UGT2B7: variants seen among roughly 807,000 people sequenced by gnomAD.
The protein encoded by UGT2B7 is UDP-glucuronosyltransferase 2B7.
Under a neutral mutation model 51.9 loss-of-function variants are expected in UGT2B7, and 51 were observed. The ratio of observed to expected loss-of-function variants is 0.98; its 90% CI spans 0.78 to 1.24. UGT2B7 has a LOEUF of 1.24. Ranked by LOEUF, UGT2B7 falls within the 50% of genes most tolerant of loss-of-function variation. The probability of loss-of-function intolerance (pLI) is 0.00; values close to 1 mark genes in which losing one functional copy is unlikely to be tolerated. For missense variants in UGT2B7, 727 were observed against 628.4 expected (o/e 1.16, Z -1.68); for synonymous variants, 225 against 211.6 (o/e 1.06, Z -0.55).
intron 1 of UGT2B7, among the ~76,000 whole-genome samples, chr4:69,053,230 A>T (rs768230187): frequency 6.6e-6 from 1 of 152,242 alleles, no homozygotes; most frequent in East Asian, 1.9e-4. Flanking sequence ...AATTTAGCTT[A>T]TCTGGTATAA....
In UGT2B7 at chr4:69,097,028, T is replaced by A; in HGVS notation, c.508T>A (p.Tyr170Asn). 2 of 1,613,888 alleles carry A rather than the reference T, an allele frequency of 1.2e-6. No individual in the cohort carries two copies. The highest frequency in any genetic ancestry group is 1.7e-6 in the Non-Finnish European group (2 of 1,179,812). Residue 170 changes from tyrosine (Y) to asparagine (N), a missense_variant, in exon 1 of 6, where the codon TAC becomes AAC. Tyr to Asn is a moderately radical substitution (Grantham distance 143, BLOSUM62 -2). Coordinates refer to ENST00000305231, the MANE Select transcript of UGT2B7 (RefSeq NM_001074.4). ...TGAGCTATTTAACATACCCTTTGTG[T>A]ACAGTCTCAGCTTCTCTCCTGGCTA... ...LAELFNIPFV[Y>N]SLSFSPGYTF...
intron 1 of UGT2B7, among the ~76,000 whole-genome samples, chr4:69,085,545 A>G (rs143324413): frequency 0.01 from 1,584 of 152,216 alleles, 29 homozygotes; most frequent in African/African-American, 0.036. Flanking sequence ...GTCTATGCCT[A>G]TGTCCTGAAT....
At chr4:69,111,227 C>T (rs929297926) in intron 5 of UGT2B7, among the ~76,000 whole-genome samples, 18 of 151,948 alleles carry the variant, frequency 1.2e-4, no homozygotes, top group African/African-American at 4.1e-4. Flanking sequence ...AGAGTTTGCC[C>T]GTGTCTAAAA....
At position 69,112,486 on chromosome 4, in the gene UGT2B7, G is replaced by A; in HGVS notation, c.1340G>A (p.Arg447Lys). ...SYKENVMKLS[R>K]IQHDQPVKPL... ...AAAGAGAATGTTATGAAATTATCAA[G>A]AATTCAACATGATCAACCAGTGAAG... The change falls in exon 6 of 6, where the codon AGA (arginine) becomes AAA (lysine). Residue 447 changes from arginine to lysine, a missense_variant. Transcript: ENST00000305231. The A allele has an allele frequency of 6.2e-7, 1 of 1,613,646 alleles. No individual in the cohort carries two copies.
At chr4:69,106,914 A>T (rs75446752) in intron 3 of UGT2B7, among the ~76,000 whole-genome samples, 1,947 of 151,556 alleles carry the variant, frequency 0.013, 41 homozygotes, top group African/African-American at 0.045. Flanking sequence ...TAAAAGGTGT[A>T]ACAATTTTTT....
At chr4:69,099,835 A>G (rs915465350) in intron 2 of UGT2B7, among the ~76,000 whole-genome samples, 1 of 152,032 alleles carries the variant, frequency 6.6e-6, no homozygotes, top group Non-Finnish European at 1.5e-5. Context: ...TGTTCAGTAC[A>G]TCAAAATTAT....
intron 1 of UGT2B7, among the ~76,000 whole-genome samples, chr4:69,088,735 G>T (rs893618919): frequency 6.6e-6 from 1 of 152,068 alleles, no homozygotes; most frequent in Non-Finnish European, 1.5e-5. Flanking sequence ...ACTGTGATTA[G>T]TACTTCCACT....
intron 1 of UGT2B7, among the ~76,000 whole-genome samples, chr4:69,055,617 C>A (rs1405377114): frequency 6.6e-6 from 1 of 152,096 alleles, no homozygotes; most frequent in Non-Finnish European, 1.5e-5. Context: ...TTTGTTTTTG[C>A]AATTAGCCGA....
At chr4:69,069,863 G>A (rs899642075) in intron 1 of UGT2B7, 1 of 151,960 alleles carries the variant, frequency 6.6e-6, no homozygotes, top group South Asian at 2.1e-4. Flanking sequence ...AAGTTGTTAA[G>A]GCGAGAAAGA....
In UGT2B7 at chr4:69,112,432, T is replaced by TA. The variant is rs766832644; in HGVS notation, c.1311-24dup. Reference sequence around the variant, plus strand: ...TTGTCTGTAACTCTTCCTGCTACATTACTGTCTTTATTTTTATCTTTCAGA... The same window carrying TA: ...TTGTCTGTAACTCTTCCTGCTACATTAACTGTCTTTATTTTTATCTTTCAGA... On this transcript the variant is annotated intron_variant, in intron 5 of 5. Coordinates refer to ENST00000305231, the MANE Select transcript of UGT2B7 (RefSeq NM_001074.4). 3 of 1,606,290 alleles carry TA rather than the reference T, an allele frequency of 1.9e-6. No homozygotes were observed. In the South Asian group the frequency reaches 3.3e-5, roughly 18 times the overall value.
chr4:69,068,189 C>G (rs1718522486), intron 1 of UGT2B7, among the ~76,000 whole-genome samples: 1 of 151,992 alleles, frequency 6.6e-6, no homozygotes, highest in African/African-American at 2.4e-5. Flanking sequence ...ATCAGCATGA[C>G]AATCAATCTC....
chr4:69,095,227 C>T (rs934971716), upstream of UGT2B7, among the ~76,000 whole-genome samples: 2 of 152,152 alleles, frequency 1.3e-5, no homozygotes, highest in South Asian at 4.1e-4. Flanking sequence ...AACCCTAAAT[C>T]CAGCTCCTCA....
chr4:69,094,661 C>T (rs1464081013), upstream of UGT2B7, among the ~76,000 whole-genome samples: 3 of 152,042 alleles, frequency 2.0e-5, no homozygotes, highest in Non-Finnish European at 2.9e-5. Context: ...TGGTGGTGGC[C>T]GCTAGTACTT....
chr4:69,066,459 G>T (rs902560315), intron 1 of UGT2B7: 2 of 152,026 alleles, frequency 1.3e-5, no homozygotes, highest in African/African-American at 4.8e-5. Flanking sequence ...TATATAGTGG[G>T]TAGTCCAGAA....
intron 1 of UGT2B7, among the ~76,000 whole-genome samples, chr4:69,053,765 A>T (rs116538944): frequency 0.013 from 1,988 of 152,242 alleles, 49 homozygotes; most frequent in South Asian, 0.049. Flanking sequence ...AAGGTTATCA[A>T]TCAGTCAGCC....
chr4:69,064,081 A>AG (rs1491367207), intron 1 of UGT2B7, among the ~76,000 whole-genome samples: 9 of 106,346 alleles, frequency 8.5e-5, no homozygotes, highest in African/African-American at 1.7e-4. Context: ...AGAAAGAAAG[A>AG]AAGAAAGAAA....
intron 1 of UGT2B7, among the ~76,000 whole-genome samples, chr4:69,065,958 A>G (rs1013771663): frequency 6.6e-6 from 1 of 152,290 alleles, no homozygotes. Flanking sequence ...TGTATGAAAC[A>G]TCATGATTGT....
In UGT2B7 at chr4:69,064,795, G is replaced by A. The variant is rs188397962; in HGVS notation, c.-159+13193G>A. ...TCTCTCTCTGGTACTCCTGATTCCT[G>A]CAAAAAGATGTCAATTTATAAACAA... On this transcript the variant is annotated intron_variant, in intron 1 of 5. Transcript: ENST00000502942. 3.3e-5 allele frequency among the ~76,000 whole-genome samples: 5 copies of A among 152,146 alleles called. No homozygotes were observed. In the East Asian group the frequency reaches 9.7e-4, roughly 29 times the overall value.
chr4:69,077,695 G>A (rs1195999039), intron 1 of UGT2B7, among the ~76,000 whole-genome samples: 1 of 152,044 alleles, frequency 6.6e-6, no homozygotes, highest in African/African-American at 2.4e-5. Context: ...AGACAGTGGG[G>A]TTTTTCTTAA....
Sources: allele counts gnomAD v4.1 joint callset (sites outside exome capture counted in the v4.1 genomes callset), GRCh38; gene constraint gnomAD v4.1.1; transcripts MANE v1.5; gene names NCBI Gene and HGNC (gene_info 2026-07-23, HGNC 2026-07-21).